Variants in PCDH9 observed in about 807,000 individuals in gnomAD.
PCDH9 encodes the protein protocadherin-9.
PCDH9 carries 24 observed loss-of-function variants against 70.6 expected under a neutral mutation model. That is an observed-to-expected ratio of 0.34 (90% CI 0.25 to 0.48). The LOEUF (loss-of-function observed/expected upper bound fraction) is 0.48. Among genes scored for constraint, PCDH9 ranks in the 20% least tolerant of loss-of-function variants. The pLI is 0.99. For missense variants in PCDH9, 1,281 were observed against 1,503.6 expected (o/e 0.85, Z 2.45); for synonymous variants, 562 against 558.5 (o/e 1.01, Z -0.09).
intron 2 of PCDH9, among the ~76,000 whole-genome samples, chr13:67,160,533 C>A (rs1363625984): frequency 2.0e-5 from 3 of 150,096 alleles, no homozygotes; most frequent in African/African-American, 4.9e-5. Flanking sequence ...GGTGACAGAG[C>A]GAGACTCCGT....
chr13:67,160,164 C>A (rs1312307285), intron 2 of PCDH9, among the ~76,000 whole-genome samples: 4 of 152,174 alleles, frequency 2.6e-5, no homozygotes, highest in African/African-American at 7.2e-5. Flanking sequence ...ACAACAACAG[C>A]AAAATGCAAC....
At chr13:66,934,760 G>C (rs1184519306) in intron 2 of PCDH9, among the ~76,000 whole-genome samples, 1 of 100,446 alleles carries the variant, frequency 1.0e-5, no homozygotes. Context: ...TCGCTCTGTC[G>C]CCCAGGCTGG....
chr13:66,576,098 C>A (rs2076811427), intron 4 of PCDH9, among the ~76,000 whole-genome samples: 1 of 149,680 alleles, frequency 6.7e-6, no homozygotes, highest in Non-Finnish European at 1.5e-5. Flanking sequence ...AGGCAAAATT[C>A]TTCAACAGTA....
intron 3 of PCDH9, among the ~76,000 whole-genome samples, chr13:66,822,469 T>A (rs2080729714): frequency 6.6e-6 from 1 of 151,574 alleles, no homozygotes; most frequent in African/African-American, 2.4e-5. Context: ...AACAATAGAC[T>A]CGTCTGAATT....
At chr13:66,351,823 T>C (rs1401093545) in intron 4 of PCDH9, among the ~76,000 whole-genome samples, 1 of 142,404 alleles carries the variant, frequency 7.0e-6, no homozygotes, top group Admixed American at 7.8e-5. Flanking sequence ...ACACATTCCT[T>C]TTTTTTTTCT....
chr13:66,527,551 T>G (rs1555303114), intron 4 of PCDH9, among the ~76,000 whole-genome samples: 4 of 152,164 alleles, frequency 2.6e-5, no homozygotes, highest in Non-Finnish European at 5.9e-5. Flanking sequence ...AAGAACTTTT[T>G]GTTTTTTTGG....
chr13:66,434,989 G>A (rs1474502435), intron 4 of PCDH9, among the ~76,000 whole-genome samples: 2 of 151,898 alleles, frequency 1.3e-5, no homozygotes, highest in African/African-American at 4.8e-5. Flanking sequence ...TAGAAGTGAG[G>A]TCTGACTTAA....
At chr13:66,569,080 C>A (rs2076696115) in intron 4 of PCDH9, among the ~76,000 whole-genome samples, 1 of 144,026 alleles carries the variant, frequency 6.9e-6, no homozygotes, top group Admixed American at 7.1e-5. Flanking sequence ...CAACTCACTG[C>A]AACCTCCACT....
chr13:66,670,907 T>A (rs920310261), intron 3 of PCDH9, among the ~76,000 whole-genome samples: 1 of 130,804 alleles, frequency 7.6e-6, no homozygotes, highest in African/African-American at 2.8e-5. Context: ...GACTGTGTTC[T>A]TATTTAAAAA....
At chr13:66,540,505 G>A (rs770650892) in intron 4 of PCDH9, among the ~76,000 whole-genome samples, 2 of 151,994 alleles carry the variant, frequency 1.3e-5, no homozygotes, top group East Asian at 1.9e-4. Flanking sequence ...AAATTTTAAA[G>A]GTTTCTTAAA....
chr13:66,591,734 G>A (rs187944742), intron 4 of PCDH9, among the ~76,000 whole-genome samples: 2 of 151,444 alleles, frequency 1.3e-5, no homozygotes, highest in East Asian at 3.9e-4. Flanking sequence ...AATGCTTATA[G>A]GATTTAAAAT....
At chr13:67,143,412 G>A (rs2087444971) in intron 2 of PCDH9, among the ~76,000 whole-genome samples, 3 of 152,078 alleles carry the variant, frequency 2.0e-5, no homozygotes, top group Admixed American at 1.3e-4. Flanking sequence ...CTAGTTATTG[G>A]AAAAATGGTT....
intron 4 of PCDH9, among the ~76,000 whole-genome samples, chr13:66,553,515 C>T (rs79213213): frequency 6.6e-6 from 1 of 152,050 alleles, no homozygotes; most frequent in Non-Finnish European, 1.5e-5. Context: ...GGCACAAATG[C>T]CCAAAAACAG....
At chr13:66,541,730 A>G (rs1274121418) in intron 4 of PCDH9, among the ~76,000 whole-genome samples, 1 of 152,154 alleles carries the variant, frequency 6.6e-6, no homozygotes, top group Non-Finnish European at 1.5e-5. Flanking sequence ...CTGTTTCCAA[A>G]TAACAGGGCC....
intron 4 of PCDH9, among the ~76,000 whole-genome samples, chr13:66,340,782 G>A (rs1409680181): frequency 3.3e-5 from 5 of 152,280 alleles, no homozygotes; most frequent in South Asian, 2.1e-4. Context: ...ATGATCCAAC[G>A]TATGACAAGT....
chr13:66,655,114 C>T (rs1451208136), intron 3 of PCDH9, among the ~76,000 whole-genome samples: 1 of 151,708 alleles, frequency 6.6e-6, no homozygotes, highest in African/African-American at 2.4e-5. Flanking sequence ...CAACAAGTTG[C>T]ATTTATGCTC....
At position 66,407,199 on chromosome 13, in the gene PCDH9, C is replaced by T. The variant is rs77441756; in HGVS notation, c.3341-102171G>A. Among the ~76,000 whole-genome samples, 1,341 of 152,228 alleles carry T rather than the reference C, an allele frequency of 8.8e-3. 20 individuals carry two copies. The highest frequency in any genetic ancestry group is 0.031 in the African/African-American group (1,289 of 41,520). ...TTCAAAGTTTAAAATGCTAGTAATACTAACAAAGCAACGAAAAAGGCAGCA... is the reference window on the plus strand; with the variant it reads ...TTCAAAGTTTAAAATGCTAGTAATATTAACAAAGCAACGAAAAAGGCAGCA... On this transcript the variant is annotated intron_variant, in intron 4 of 4. Transcript: ENST00000377865.
intron 4 of PCDH9, among the ~76,000 whole-genome samples, chr13:66,316,740 C>T (rs748232270): frequency 1.1e-4 from 16 of 151,958 alleles, no homozygotes; most frequent in Non-Finnish European, 1.5e-4. Context: ...TTTTTCTTTT[C>T]GAGACAGATT....
At chr13:66,897,871 A>G (rs1433209325) in intron 3 of PCDH9, among the ~76,000 whole-genome samples, 1 of 152,172 alleles carries the variant, frequency 6.6e-6, no homozygotes, top group Non-Finnish European at 1.5e-5. Context: ...AATTGTAGCC[A>G]GAAATTGTCC....
Sources: allele counts gnomAD v4.1 joint callset (sites outside exome capture counted in the v4.1 genomes callset), GRCh38; gene constraint gnomAD v4.1.1; transcripts MANE v1.5; gene names NCBI Gene and HGNC (gene_info 2026-07-23, HGNC 2026-07-21).